The following STX3 variants were observed in gnomAD, a reference collection of about 807,000 sequenced individuals.
The protein encoded by STX3 is syntaxin 3, also known as syntaxin-3.
STX3 carries 19 observed loss-of-function variants against 40.2 expected under a neutral mutation model. That is an observed-to-expected ratio of 0.47 (90% CI 0.33 to 0.69). The LOEUF (loss-of-function observed/expected upper bound fraction) is 0.69. Among genes scored for constraint, STX3 ranks in the 30% least tolerant of loss-of-function variants. STX3 has a pLI of 0.02. For synonymous variants in STX3, 122 were observed against 132.2 expected (o/e 0.92, Z 0.53); for missense variants, 364 against 366.7 (o/e 0.99, Z 0.06).
At chr11:59,761,323 G>A (rs945603169) in intron 1 of STX3, among the ~76,000 whole-genome samples, 85 of 152,152 alleles carry the variant, frequency 5.6e-4, no homozygotes, top group African/African-American at 2.0e-3. Context: ...CAGCTTCCCA[G>A]GCTGACAGCA....
intron 1 of STX3, among the ~76,000 whole-genome samples, chr11:59,766,882 A>G (rs1007748698): frequency 1.3e-5 from 2 of 152,216 alleles, no homozygotes; most frequent in East Asian, 1.9e-4. Flanking sequence ...CATACTGCAG[A>G]TGGGATTCGT....
intron 1 of STX3, among the ~76,000 whole-genome samples, chr11:59,762,791 A>G (rs1259789193): frequency 6.6e-6 from 1 of 152,170 alleles, no homozygotes; most frequent in Non-Finnish European, 1.5e-5. Context: ...AGGAAGAAGA[A>G]GGCCTTCTTT....
intron 1 of STX3, among the ~76,000 whole-genome samples, chr11:59,772,426 G>GT (rs2134921040): frequency 6.6e-6 from 1 of 152,352 alleles, no homozygotes; most frequent in African/African-American, 2.4e-5. Flanking sequence ...GTCCCCAGAG[G>GT]TGGCTGGGGG....
At chr11:59,796,698 G>A (rs757576152) in intron 9 of STX3, among the ~76,000 whole-genome samples, 6 of 152,210 alleles carry the variant, frequency 3.9e-5, no homozygotes, top group Admixed American at 2.0e-4. Context: ...GAGACCCCAC[G>A]ATAGTGGCTC....
At chr11:59,799,697 C>A in intron 10 of STX3, 1 of 985,436 alleles carries the variant, frequency 1.0e-6, no homozygotes, top group African/African-American at 1.7e-5. Flanking sequence ...TATTCCTCCT[C>A]CTTCCATGTG....
chr11:59,790,580 A>G lies in STX3; in HGVS notation c.351A>G (p.Lys117=), dbSNP rs750198491. 1.2e-6 allele frequency: 2 copies of G among 1,613,336 alleles called. No individual in the cohort carries two copies. Among genetic ancestry groups the G allele is most frequent in the East Asian group, 2.2e-5 (1 of 44,882 alleles). Residue 117 remains lysine (K), a synonymous_variant, in exon 5 of 11, where the codon AAA becomes AAG. Coordinates refer to ENST00000337979, the MANE Select transcript of STX3 (RefSeq NM_004177.5). ...VRSSADLRIR[K]SQHSVLSRKF... is the part of the protein sequence containing the mutation. ...CATCGGCAGACCTTCGGATTCGGAA[A>G]TCCCAGGTAAGACTTTTCCTGGTCT...
chr11:59,792,338 C>G (rs1865234244), intron 6 of STX3, 123 bp downstream of exon 6: 2 of 721,902 alleles, frequency 2.8e-6, no homozygotes, highest in Non-Finnish European at 4.8e-6. Context: ...TAGGGCAGCT[C>G]CTGCACCACT....
chr11:59,790,525 A>G lies in STX3; in HGVS notation c.296A>G (p.Glu99Gly), dbSNP rs1865066857. The change falls in exon 5 of 11, where the codon GAG becomes GGG. Residue 99 changes from glutamate (E) to glycine (G), a missense_variant. By Grantham distance (98) the Glu-to-Gly change is moderately conservative. Transcript: ENST00000337979. ...NNVRNKLKSM[E>G]KHIEEDEVRS... ...ACCTTCCTCTCCTCTTTAGGCATGG[A>G]GAAGCATATTGAAGAAGATGAGGTC... 6.2e-7 allele frequency: 1 copy of G among 1,613,624 alleles called. No homozygotes were observed. The highest frequency in any genetic ancestry group is 8.5e-7 in the Non-Finnish European group (1 of 1,179,518).
rs180935915 is a variant in STX3, at chr11:59,773,077, A to C, written c.31-134A>C. On this transcript the variant is annotated intron_variant, in intron 1 of 10. Transcript: ENST00000337979. ...TTGAGACACCGGAATTTGATATATC[A>C]GAGAGCTGTTATGAGTTTTAAAGGA... The C allele has an allele frequency of 6.5e-4, 509 of 788,784 alleles. 4 individuals are homozygous for C. Among genetic ancestry groups the C allele is most frequent in the Middle Eastern group, 4.5e-3 (19 of 4,216 alleles). The allele number at this position is 788,784 out of a possible 1,614,324, so 48.9% of individuals were successfully genotyped here.
At chr11:59,795,590 A>G (rs778526134) in intron 9 of STX3, 108 bp downstream of exon 9, 1 of 1,544,120 alleles carries the variant, frequency 6.5e-7, no homozygotes, top group Admixed American at 2.0e-5. Flanking sequence ...CACCTCTTGC[A>G]TCTGGGGAAA....
At chr11:59,780,229 G>C (rs759562430) in intron 2 of STX3, among the ~76,000 whole-genome samples, 1 of 152,188 alleles carries the variant, frequency 6.6e-6, no homozygotes, top group Non-Finnish European at 1.5e-5. Context: ...CAATGTGATG[G>C]TATTTGGAGG....
rs773222295 is a variant in STX3 at position 59,803,780 on chromosome 11, C to G, written c.*2956C>G. The G allele has an allele frequency of 6.5e-6, 1 of 152,848 alleles. No homozygotes were observed. Among genetic ancestry groups the G allele is most frequent in the Non-Finnish European group, 1.5e-5 (1 of 68,172 alleles). The allele number at this position is 152,848 out of a possible 1,614,324, so 9.5% of individuals were successfully genotyped here. On this transcript the variant is annotated 3_prime_UTR_variant, in exon 11 of 11. Transcript: ENST00000337979. Reference sequence around the variant, plus strand: ...AAGAGGGATTTGGTGATCCCAGCCACGAACACCATGCTATATAATCTATGA... The same window carrying G: ...AAGAGGGATTTGGTGATCCCAGCCAGGAACACCATGCTATATAATCTATGA...
In STX3 at chr11:59,804,600, A is replaced by T. The variant is rs1866010172; in HGVS notation, c.*3776A>T. 6.6e-6 allele frequency: 1 copy of T among 152,228 alleles called. No individual in the cohort carries two copies. Among genetic ancestry groups the T allele is most frequent in the Non-Finnish European group, 1.5e-5 (1 of 68,046 alleles). The allele number at this position is 152,228 out of a possible 1,614,324, so 9.4% of individuals were successfully genotyped here. A position where few individuals can be genotyped will look rare whatever the true frequency, so the allele number is the denominator to read the frequency against. On this transcript the variant is annotated 3_prime_UTR_variant, in exon 11 of 11. Coordinates refer to ENST00000337979, the MANE Select transcript of STX3 (RefSeq NM_004177.5). ...TACCAACCTTTCAAACCCCATTACC[A>T]CAACATGAAAATTTAAAGTGCTTTT...
intron 10 of STX3, 30 bp from the exon 11 acceptor site, chr11:59,800,825 T>C (rs1438365578): frequency 6.5e-7 from 1 of 1,536,454 alleles, no homozygotes; most frequent in East Asian, 2.4e-5. Context: ...TCCTGTGTAC[T>C]GATCAGCTCC....
intron 10 of STX3, chr11:59,799,827 C>T: frequency 1.0e-6 from 1 of 984,924 alleles, no homozygotes. Context: ...TTTTTTTTTC[C>T]CCTCTTTTTT....
rs896658271 is a variant in STX3, at chr11:59,803,290, G to C, written c.*2466G>C. Reference sequence around the variant, plus strand: ...AGCTTCCACCATTGGGAGCATATTTGCCTGAAAAAGGTGAGCCATCTGTGG... The same window carrying C: ...AGCTTCCACCATTGGGAGCATATTTCCCTGAAAAAGGTGAGCCATCTGTGG... On this transcript the variant is annotated 3_prime_UTR_variant, in exon 11 of 11. Transcript: ENST00000337979. The C allele has an allele frequency of 9.5e-5, 117 of 1,231,538 alleles. 1 individual carries two copies. Among genetic ancestry groups the C allele is most frequent in the Non-Finnish European group, 8.6e-5 (85 of 987,934 alleles). The allele number at this position is 1,231,538 out of a possible 1,614,324, so 76.3% of individuals were successfully genotyped here.
chr11:59,799,812 T>C (rs1865768036), intron 10 of STX3: 18 of 985,320 alleles, frequency 1.8e-5, no homozygotes, highest in Non-Finnish European at 2.2e-5. Flanking sequence ...AGGTGGTTGG[T>C]TGATTTTTTT....
At chr11:59,772,703 C>T (rs1235391399) in intron 1 of STX3, among the ~76,000 whole-genome samples, 1 of 152,046 alleles carries the variant, frequency 6.6e-6, no homozygotes, top group African/African-American at 2.4e-5. Context: ...TGCCAAGTTA[C>T]CTAACCTCCC....
intron 1 of STX3, among the ~76,000 whole-genome samples, chr11:59,758,137 G>C (rs1219591984): frequency 6.6e-6 from 1 of 152,170 alleles, no homozygotes; most frequent in Admixed American, 6.5e-5. Context: ...TAGATACAAA[G>C]AGAACATGTG....
Sources: gnomAD v4.1 joint callset for allele counts (sites outside exome capture counted in the v4.1 genomes callset) on GRCh38, gnomAD v4.1.1 for gene constraint, MANE v1.5 for transcripts, NCBI Gene and HGNC (gene_info 2026-07-23, HGNC 2026-07-21) for gene names.